Variants in MACROD2 observed in about 807,000 individuals in gnomAD.
MACROD2 encodes the protein mono-ADP ribosylhydrolase 2, also known as ADP-ribose glycohydrolase MACROD2.
MACROD2 carries 36 observed loss-of-function variants against 70.4 expected under a neutral mutation model. The observed-to-expected ratio is 0.51, with a 90% confidence interval of 0.39 to 0.68. The LOEUF is 0.68. MACROD2 is among the 30% of genes least tolerant of loss of function. The probability of loss-of-function intolerance (pLI) is 0.00; values close to 1 mark genes in which losing one functional copy is unlikely to be tolerated. For missense variants in MACROD2, 496 were observed against 538.4 expected, an observed-to-expected ratio of 0.92 and a Z score of 0.78; for synonymous variants, 172 against 178.8, an observed-to-expected ratio of 0.96 and a Z score of 0.30.
At chr20:14,919,132 T>G (rs2074130239) in intron 5 of MACROD2, among the ~76,000 whole-genome samples, 1 of 152,188 alleles carries the variant, frequency 6.6e-6, no homozygotes, top group African/African-American at 2.4e-5. Flanking sequence ...TTCTCACAAA[T>G]AGATGGATAC....
At chr20:14,226,608 G>A (rs1426546567) in intron 3 of MACROD2, among the ~76,000 whole-genome samples, 4 of 152,180 alleles carry the variant, frequency 2.6e-5, no homozygotes, top group African/African-American at 9.6e-5. Flanking sequence ...CGGAGCAGCC[G>A]GCCGGCCCTG....
intron 5 of MACROD2, among the ~76,000 whole-genome samples, chr20:14,865,352 C>T (rs570712943): frequency 6.6e-6 from 1 of 151,992 alleles, no homozygotes. Context: ...TGGTTTCCTG[C>T]CTTTGGTAAT....
intron 5 of MACROD2, among the ~76,000 whole-genome samples, chr20:14,785,841 C>T (rs2072363484): frequency 6.6e-6 from 1 of 151,946 alleles, no homozygotes; most frequent in Admixed American, 6.6e-5. Flanking sequence ...GCCTCATGGT[C>T]ACAGATGACT....
intron 3 of MACROD2, among the ~76,000 whole-genome samples, chr20:14,329,749 A>T (rs556272113): frequency 2.0e-4 from 30 of 152,254 alleles, no homozygotes; most frequent in African/African-American, 7.0e-4. Flanking sequence ...ATTTCTGAAC[A>T]TGATTTAACA....
intron 8 of MACROD2, among the ~76,000 whole-genome samples, chr20:15,817,723 G>C (rs780607290): frequency 2.1e-4 from 32 of 152,038 alleles, no homozygotes; most frequent in Non-Finnish European, 4.3e-4. Flanking sequence ...TAATCTCTCT[G>C]TCTATATTTT....
chr20:15,755,092 C>G (rs1272151327), intron 8 of MACROD2, among the ~76,000 whole-genome samples: 2 of 152,146 alleles, frequency 1.3e-5, no homozygotes, highest in Admixed American at 6.5e-5. Flanking sequence ...CTCCTAACCT[C>G]AGGTGATCCA....
At chr20:15,019,786 A>C (rs2075150239) in intron 5 of MACROD2, among the ~76,000 whole-genome samples, 1 of 152,246 alleles carries the variant, frequency 6.6e-6, no homozygotes, top group Non-Finnish European at 1.5e-5. Context: ...TAAAGGGCCA[A>C]GAATAAGTAT....
At chr20:15,742,267 T>C (rs2051117223) in intron 8 of MACROD2, among the ~76,000 whole-genome samples, 1 of 152,172 alleles carries the variant, frequency 6.6e-6, no homozygotes, top group African/African-American at 2.4e-5. Context: ...CTTAATTGAG[T>C]ATTTATTCTT....
chr20:15,031,995 G>C (rs1217819188), intron 5 of MACROD2, among the ~76,000 whole-genome samples: 1 of 152,170 alleles, frequency 6.6e-6, no homozygotes, highest in Non-Finnish European at 1.5e-5. Context: ...TCCCACACTC[G>C]TGAGTACCCA....
At chr20:15,090,744 G>A (rs1353450556) in intron 5 of MACROD2, among the ~76,000 whole-genome samples, 1 of 152,004 alleles carries the variant, frequency 6.6e-6, no homozygotes, top group Non-Finnish European at 1.5e-5. Flanking sequence ...AGCCCATGCA[G>A]GAGAATAAGC....
chr20:14,745,968 A>G (rs566334648), intron 5 of MACROD2, among the ~76,000 whole-genome samples: 5 of 152,274 alleles, frequency 3.3e-5, no homozygotes, highest in African/African-American at 1.2e-4. Context: ...AGGGCTCTGA[A>G]GGAACAGTTT....
chr20:15,003,812 G>A (rs1568921342), intron 5 of MACROD2, among the ~76,000 whole-genome samples: 1 of 152,088 alleles, frequency 6.6e-6, no homozygotes, highest in Non-Finnish European at 1.5e-5. Flanking sequence ...CTATTCCAGA[G>A]GTTATAAAAC....
chr20:15,019,401 G>A (rs1028480751), intron 5 of MACROD2, among the ~76,000 whole-genome samples: 21 of 152,222 alleles, frequency 1.4e-4, no homozygotes, highest in African/African-American at 4.8e-4. Flanking sequence ...GAAGCTGGTG[G>A]GTGGCAGGTT....
At chr20:14,025,251 C>T (rs1411718548) in intron 2 of MACROD2, among the ~76,000 whole-genome samples, 9 of 152,060 alleles carry the variant, frequency 5.9e-5, no homozygotes, top group Admixed American at 4.6e-4. Flanking sequence ...TTTGATTCTT[C>T]TCTCTTTTCT....
chr20:15,391,681 CT>C (rs1444987019), intron 6 of MACROD2, among the ~76,000 whole-genome samples: 1 of 152,194 alleles, frequency 6.6e-6, no homozygotes, highest in African/African-American at 2.4e-5. Flanking sequence ...TTTATTTTCT[CT>C]GATTCCTTTG....
intron 10 of MACROD2, among the ~76,000 whole-genome samples, chr20:15,887,701 T>C (rs1345180830): frequency 6.6e-6 from 1 of 152,136 alleles, no homozygotes; most frequent in East Asian, 1.9e-4. Flanking sequence ...GTGAGCCTAA[T>C]GTATAATTTT....
intron 3 of MACROD2, among the ~76,000 whole-genome samples, chr20:14,376,865 G>T (rs1376957686): frequency 1.3e-5 from 2 of 151,626 alleles, no homozygotes; most frequent in Non-Finnish European, 2.9e-5. Context: ...ATAGCCATGT[G>T]ATATTGGGAA....
At chr20:15,469,116 G>A (rs75143671) in intron 7 of MACROD2, among the ~76,000 whole-genome samples, 11,074 of 152,224 alleles carry the variant, frequency 0.073, 518 homozygotes, top group African/African-American at 0.12. Flanking sequence ...ACTGACATAC[G>A]TTCTGTGAGG....
intron 5 of MACROD2, among the ~76,000 whole-genome samples, chr20:15,161,078 C>G (rs1167170538): frequency 6.6e-6 from 1 of 152,070 alleles, no homozygotes; most frequent in East Asian, 1.9e-4. Context: ...ACCTTTAAAT[C>G]CTGGTTTTGC....
Sources: allele counts gnomAD v4.1 joint callset (sites outside exome capture counted in the v4.1 genomes callset), GRCh38; gene constraint gnomAD v4.1.1; transcripts MANE v1.5; gene names NCBI Gene and HGNC (gene_info 2026-07-23, HGNC 2026-07-21).